The following ULK4 variants were observed in gnomAD, a reference collection of about 807,000 sequenced individuals.
ULK4 encodes the protein unc-51 like kinase 4.
A neutral mutation model predicts 160.6 loss-of-function variants in ULK4; 133 were observed. That is an observed-to-expected ratio of 0.83 (90% CI 0.72 to 0.96). The LOEUF (loss-of-function observed/expected upper bound fraction) is 0.96, where lower values mean the gene tolerates loss of function less well. Ranked by LOEUF, ULK4 falls within the 40% of genes least tolerant of loss-of-function variation. ULK4 has a pLI of 0.00. For missense variants in ULK4, 1,580 were observed against 1,499.5 expected, an observed-to-expected ratio of 1.05 and a Z score of -0.89; for synonymous variants, 534 against 539.8, an observed-to-expected ratio of 0.99 and a Z score of 0.15.
intron 4 of ULK4, 128 bp from the exon 5 acceptor site, chr3:41,932,134 A>G (rs945417863): frequency 2.6e-6 from 2 of 764,184 alleles, no homozygotes; most frequent in African/African-American, 3.5e-5. Flanking sequence ...AGAAAAATAA[A>G]TGCTTATAAT....
rs199539014 is a variant in ULK4 at position 41,389,103 on chromosome 3, C to T, written c.3678+8976G>A. On this transcript the variant is annotated intron_variant, in intron 35 of 36. Transcript: ENST00000301831. ...AGAGGTCCTTCACATCCCTTGTAGG[C>T]TGGATTCCTAGGTATTTTATTCTCT... Among the ~76,000 whole-genome samples, 759 of 151,656 alleles carry T rather than the reference C, an allele frequency of 5.0e-3. 4 individuals carry two copies. The highest frequency in any genetic ancestry group is 0.012 in the East Asian group (64 of 5,152).
intron 32 of ULK4, among the ~76,000 whole-genome samples, chr3:41,521,300 T>C (rs145802997): frequency 1.3e-5 from 2 of 152,318 alleles, no homozygotes; most frequent in African/African-American, 4.8e-5. Flanking sequence ...TGGGAGGTCA[T>C]GATTTCCATC....
intron 30 of ULK4, among the ~76,000 whole-genome samples, chr3:41,630,280 TG>T (rs765570005): frequency 1.3e-5 from 2 of 152,060 alleles, no homozygotes; most frequent in Non-Finnish European, 2.9e-5. Context: ...AGGCTGGAGG[TG>T]GAGGGGATAC....
At chr3:41,931,794 G>T (rs376474501) in intron 5 of ULK4, 50 bp downstream of exon 5, 351 of 1,595,050 alleles carry the variant, frequency 2.2e-4, no homozygotes, top group Admixed American at 3.2e-4. Flanking sequence ...ACAGGACTTG[G>T]ATGGTCCACA....
At chr3:41,518,692 G>T (rs992813914) in intron 32 of ULK4, among the ~76,000 whole-genome samples, 1 of 152,152 alleles carries the variant, frequency 6.6e-6, no homozygotes, top group Non-Finnish European at 1.5e-5. Flanking sequence ...AAGAGAAGGC[G>T]TTAGAGATAC....
intron 17 of ULK4, among the ~76,000 whole-genome samples, chr3:41,849,980 G>C (rs1308665812): frequency 6.6e-6 from 1 of 151,980 alleles, no homozygotes; most frequent in Non-Finnish European, 1.5e-5. Flanking sequence ...CCCCACAACA[G>C]GCCCTGGTGT....
chr3:41,936,022 C>T (rs975913309), intron 3 of ULK4, 82 bp from the exon 4 acceptor site: 20 of 1,532,688 alleles, frequency 1.3e-5, no homozygotes, highest in South Asian at 8.5e-5. Context: ...CTGACAGATA[C>T]GAACATTAAA....
At chr3:41,387,202 A>G (rs1485118417) in intron 35 of ULK4, among the ~76,000 whole-genome samples, 1 of 152,162 alleles carries the variant, frequency 6.6e-6, no homozygotes, top group Non-Finnish European at 1.5e-5. Flanking sequence ...GATATCTATC[A>G]TTTAAAACAT....
intron 35 of ULK4, among the ~76,000 whole-genome samples, chr3:41,336,257 A>G (rs1269044381): frequency 6.6e-6 from 1 of 152,244 alleles, no homozygotes; most frequent in Non-Finnish European, 1.5e-5. Context: ...CACTTTCTGT[A>G]CAAATCAATT....
At chr3:41,358,438 C>G (rs1040520393) in intron 35 of ULK4, among the ~76,000 whole-genome samples, 1 of 152,168 alleles carries the variant, frequency 6.6e-6, no homozygotes, top group Non-Finnish European at 1.5e-5. Flanking sequence ...CAAGCTAAAT[C>G]AGCAGGCAAA....
chr3:41,719,435 G>T (rs1239088227), intron 22 of ULK4, among the ~76,000 whole-genome samples: 1 of 152,096 alleles, frequency 6.6e-6, no homozygotes, highest in Non-Finnish European at 1.5e-5. Context: ...CTGTCTTAAA[G>T]AGGTTCAAAC....
In ULK4 at chr3:41,947,796, C is replaced by T. The variant is rs554003296; in HGVS notation, c.138+6826G>A. 4.6e-5 allele frequency among the ~76,000 whole-genome samples: 7 copies of T among 152,234 alleles called. No individual in the cohort carries two copies. In the South Asian group the frequency reaches 1.5e-3, roughly 32 times the overall value. ...GGAGTGTTTATACATGCCTTGATTCCTCTATCTCACCTTTCTTACCAGATC... is the reference window on the plus strand; with the variant it reads ...GGAGTGTTTATACATGCCTTGATTCTTCTATCTCACCTTTCTTACCAGATC... On this transcript the variant is annotated intron_variant, in intron 2 of 36. Coordinates refer to ENST00000301831, the MANE Select transcript of ULK4 (RefSeq NM_017886.4).
chr3:41,367,801 T>C (rs1289146761), intron 35 of ULK4, among the ~76,000 whole-genome samples: 3 of 152,216 alleles, frequency 2.0e-5, no homozygotes, highest in South Asian at 2.1e-4. Flanking sequence ...AATAAACACA[T>C]GAACTTTTCA....
chr3:41,438,558 C>T (rs2083088162), intron 34 of ULK4, among the ~76,000 whole-genome samples: 2 of 152,134 alleles, frequency 1.3e-5, no homozygotes. Context: ...AGTTCAAACA[C>T]AGTCAGAAGT....
chr3:41,555,924 G>A (rs1369300766), intron 32 of ULK4, among the ~76,000 whole-genome samples: 2 of 152,126 alleles, frequency 1.3e-5, no homozygotes, highest in African/African-American at 2.4e-5. Context: ...ACTAACACAG[G>A]AACAGAAAAC....
intron 22 of ULK4, among the ~76,000 whole-genome samples, chr3:41,741,874 A>AAC (rs2038250294): frequency 6.6e-6 from 1 of 151,868 alleles, no homozygotes; most frequent in Non-Finnish European, 1.5e-5. Flanking sequence ...CCTGAGGAAC[A>AAC]ACATAGCAGT....
At chr3:41,462,910 TTC>T (rs2083722577) in intron 33 of ULK4, among the ~76,000 whole-genome samples, 175 bp downstream of exon 33, 1 of 152,138 alleles carries the variant, frequency 6.6e-6, no homozygotes, top group Admixed American at 6.5e-5. Context: ...TTTGATCAAA[TTC>T]TCTGTTCTTG....
At chr3:41,268,979 G>A (rs9814633) in intron 35 of ULK4, among the ~76,000 whole-genome samples, 56,716 of 151,794 alleles carry the variant, frequency 0.37, 10,966 homozygotes, top group African/African-American at 0.46. Context: ...TGGACCAAGC[G>A]CTCACTGGCC....
intron 34 of ULK4, among the ~76,000 whole-genome samples, chr3:41,447,765 T>G (rs1486242040): frequency 6.6e-6 from 1 of 152,198 alleles, no homozygotes; most frequent in Admixed American, 6.5e-5. Flanking sequence ...GTTAATGTCA[T>G]CTGCCCTTTT....
Sources: allele counts gnomAD v4.1 joint callset (sites outside exome capture counted in the v4.1 genomes callset), GRCh38; gene constraint gnomAD v4.1.1; transcripts MANE v1.5; gene names NCBI Gene and HGNC (gene_info 2026-07-23, HGNC 2026-07-21).